RBFOX1: variants seen among roughly 807,000 people sequenced by gnomAD.
The protein encoded by RBFOX1 is RNA binding protein fox-1 homolog 1.
A neutral mutation model predicts 57.7 loss-of-function variants in RBFOX1; 8 were observed. The observed-to-expected ratio is 0.14, with a 90% CI of 0.08 to 0.25. The LOEUF is 0.25. Among genes scored for constraint, RBFOX1 ranks in the 10% least tolerant of loss-of-function variants. The pLI, the probability that RBFOX1 is intolerant of heterozygous loss-of-function variation, is 1.00. For missense variants in RBFOX1, 611 were observed against 548.5 expected (o/e 1.11, Z -1.14); for synonymous variants, 326 against 222.4 (o/e 1.47, Z -4.15).
chr16:6,038,546 A>ATATATT (rs1484904623), intron 1 of RBFOX1: 1 of 142,488 alleles, frequency 7.0e-6, no homozygotes, highest in East Asian at 2.0e-4. Context: ...ATATATATAT[A>ATATATT]TATATCATCC....
intron 3 of RBFOX1, among the ~76,000 whole-genome samples, chr16:6,667,628 TCC>T (rs2098740838): frequency 6.6e-6 from 1 of 152,062 alleles, no homozygotes; most frequent in Non-Finnish European, 1.5e-5. Context: ...ATGCCTGGAA[TCC>T]TAGCGCTTTT....
intron 4 of RBFOX1, among the ~76,000 whole-genome samples, chr16:5,917,344 C>G (rs930229118): frequency 4.6e-5 from 7 of 152,220 alleles, no homozygotes; most frequent in Non-Finnish European, 1.0e-4. Context: ...GGACATGCTG[C>G]TAAGCACTTT....
intron 4 of RBFOX1, among the ~76,000 whole-genome samples, chr16:7,490,525 C>T (rs1218710908): frequency 6.6e-6 from 1 of 152,176 alleles, no homozygotes; most frequent in African/African-American, 2.4e-5. Flanking sequence ...GATAATGTAC[C>T]TTTACTCCCC....
At chr16:6,253,404 A>G (rs2097637655) in intron 1 of RBFOX1, among the ~76,000 whole-genome samples, 2 of 152,150 alleles carry the variant, frequency 1.3e-5, no homozygotes, top group South Asian at 4.1e-4. Context: ...CTCACAGCAA[A>G]CCTTCATAGG....
At chr16:6,964,293 A>T (rs574757201) in intron 3 of RBFOX1, among the ~76,000 whole-genome samples, 1 of 152,334 alleles carries the variant, frequency 6.6e-6, no homozygotes, top group East Asian at 1.9e-4. Context: ...TGGTGGGATT[A>T]TAGGCATGAG....
chr16:6,068,637 C>A (rs950331362), intron 1 of RBFOX1, among the ~76,000 whole-genome samples: 1 of 152,096 alleles, frequency 6.6e-6, no homozygotes, highest in Non-Finnish European at 1.5e-5. Flanking sequence ...GCACCTGGAC[C>A]CATTTAGATT....
intron 3 of RBFOX1, among the ~76,000 whole-genome samples, chr16:6,873,730 C>T (rs945611311): frequency 6.6e-6 from 1 of 152,172 alleles, no homozygotes; most frequent in Non-Finnish European, 1.5e-5. Context: ...TCATTGTCGT[C>T]ATCACCATGA....
chr16:6,693,128 T>C (rs916900371), intron 3 of RBFOX1, among the ~76,000 whole-genome samples: 1 of 146,668 alleles, frequency 6.8e-6, no homozygotes, highest in African/African-American at 2.5e-5. Context: ...ACCATCACCA[T>C]CATCATCACC....
chr16:6,104,101 A>G (rs1567463535), intron 1 of RBFOX1, among the ~76,000 whole-genome samples: 2 of 151,662 alleles, frequency 1.3e-5, no homozygotes, highest in Non-Finnish European at 2.9e-5. Flanking sequence ...TAGCCTTCTA[A>G]TTAGGGACAT....
intron 2 of RBFOX1, among the ~76,000 whole-genome samples, chr16:6,381,470 C>G (rs1189216630): frequency 6.6e-6 from 1 of 152,116 alleles, no homozygotes; most frequent in African/African-American, 2.4e-5. Context: ...AGGAAGTCAG[C>G]GAGGAGTGAT....
intron 3 of RBFOX1, among the ~76,000 whole-genome samples, chr16:7,017,733 C>T (rs530747664): frequency 6.6e-6 from 1 of 152,084 alleles, no homozygotes; most frequent in African/African-American, 2.4e-5. Flanking sequence ...TTTTCACAAC[C>T]CTGTGACAGG....
At chr16:5,698,860 C>T (rs1427638863) in intron 3 of RBFOX1, among the ~76,000 whole-genome samples, 1 of 152,118 alleles carries the variant, frequency 6.6e-6, no homozygotes, top group Non-Finnish European at 1.5e-5. Context: ...TTTGTTATAG[C>T]TACATCAGCT....
chr16:7,234,710 A>G (rs1335019714), intron 4 of RBFOX1, among the ~76,000 whole-genome samples: 1 of 149,854 alleles, frequency 6.7e-6, no homozygotes, highest in Non-Finnish European at 1.5e-5. Flanking sequence ...TGTTATATAT[A>G]TAAGTTGCTT....
At chr16:6,368,955 G>T (rs1324428866) in intron 2 of RBFOX1, among the ~76,000 whole-genome samples, 1 of 152,162 alleles carries the variant, frequency 6.6e-6, no homozygotes, top group East Asian at 1.9e-4. Flanking sequence ...CAATTTTAGT[G>T]TTGGAAAAAA....
intron 4 of RBFOX1, among the ~76,000 whole-genome samples, chr16:5,935,688 T>G (rs574706830): frequency 8.5e-5 from 13 of 152,290 alleles, no homozygotes; most frequent in African/African-American, 3.1e-4. Flanking sequence ...GTCAGCAAGG[T>G]CTCAGATGTT....
Position 7,192,934 on chromosome 16 carries a change from G to C in RBFOX1, c.27+140836G>C, listed in dbSNP as rs1016176111. 3.3e-5 allele frequency among the ~76,000 whole-genome samples: 5 copies of C among 152,196 alleles called. No homozygotes were observed. The East Asian group carries it at 7.7e-4, about 23-fold the overall frequency. On this transcript the variant is annotated intron_variant, in intron 4 of 15. Coordinates refer to ENST00000550418, the MANE Select transcript of RBFOX1 (RefSeq NM_018723.4). ...TTCTGAGAACAATGTAAAAAGCAGA[G>C]AGAAAGATCTCTTCCCCTCCTCTTT...
chr16:6,821,626 A>G (rs2091317863), intron 3 of RBFOX1, among the ~76,000 whole-genome samples: 1 of 152,214 alleles, frequency 6.6e-6, no homozygotes. Context: ...GATATCTTAC[A>G]TAAATCGTAC....
chr16:6,550,226 G>T (rs1428250632), intron 2 of RBFOX1, among the ~76,000 whole-genome samples: 1 of 152,042 alleles, frequency 6.6e-6, no homozygotes, highest in African/African-American at 2.4e-5. Flanking sequence ...CGCCCAGACT[G>T]GAGTGTAGTG....
At chr16:7,580,159 C>T (rs1390135078) in intron 6 of RBFOX1, among the ~76,000 whole-genome samples, 1 of 152,162 alleles carries the variant, frequency 6.6e-6, no homozygotes, top group Non-Finnish European at 1.5e-5. Flanking sequence ...TAAGAAGTAA[C>T]TTGTAGGCCA....
Sources: allele counts gnomAD v4.1 joint callset (sites outside exome capture counted in the v4.1 genomes callset), GRCh38; gene constraint gnomAD v4.1.1; transcripts MANE v1.5; gene names NCBI Gene and HGNC (gene_info 2026-07-23, HGNC 2026-07-21).